The following DGKB variants were observed in gnomAD, a reference collection of about 807,000 sequenced individuals.
DGKB encodes 90 kDa diacylglycerol kinase.
DGKB carries 67 observed loss-of-function variants against 114.3 expected under a neutral mutation model. The observed-to-expected ratio is 0.59, with a 90% CI of 0.48 to 0.72. DGKB has a LOEUF of 0.72. Ranked by LOEUF, DGKB falls within the 30% of genes least tolerant of loss-of-function variation. The pLI, the probability that DGKB is intolerant of heterozygous loss-of-function variation, is 0.00. For synonymous variants in DGKB, 398 were observed against 323.1 expected (o/e 1.23, Z -2.49); for missense variants, 907 against 975.2 (o/e 0.93, Z 0.93).
intron 23 of DGKB, among the ~76,000 whole-genome samples, chr7:14,256,803 G>T (rs12536803): frequency 0.46 from 69,679 of 152,094 alleles, 18,140 homozygotes; most frequent in Non-Finnish European, 0.59. Context: ...GTGAGGAAAG[G>T]GTGAGCAAGG....
intron 23 of DGKB, among the ~76,000 whole-genome samples, chr7:14,334,143 T>C (rs1810232510): frequency 6.6e-6 from 1 of 152,208 alleles, no homozygotes; most frequent in South Asian, 2.1e-4. Context: ...GATTGCCATA[T>C]GTTGTTTGGT....
intron 1 of DGKB, among the ~76,000 whole-genome samples, chr7:14,968,104 A>C (rs1005321349): frequency 5.9e-5 from 9 of 152,126 alleles, no homozygotes; most frequent in African/African-American, 1.9e-4. Flanking sequence ...TAGGTAATAA[A>C]TATTTATATG....
chr7:14,308,327 A>G (rs565060962), intron 23 of DGKB, among the ~76,000 whole-genome samples: 9 of 152,082 alleles, frequency 5.9e-5, no homozygotes, highest in African/African-American at 2.2e-4. Context: ...AGATATTTGT[A>G]TATAATTTGT....
At chr7:14,279,328 C>A (rs926047929) in intron 23 of DGKB, among the ~76,000 whole-genome samples, 1 of 152,198 alleles carries the variant, frequency 6.6e-6, no homozygotes, top group Non-Finnish European at 1.5e-5. Flanking sequence ...ATTGCCCAGG[C>A]TTGATTAGGT....
intron 20 of DGKB, among the ~76,000 whole-genome samples, chr7:14,516,121 T>C (rs1563375565): frequency 6.6e-6 from 1 of 152,194 alleles, no homozygotes; most frequent in Non-Finnish European, 1.5e-5. Flanking sequence ...GTGCTAGGAT[T>C]ACAGGCATGA....
intron 21 of DGKB, among the ~76,000 whole-genome samples, chr7:14,424,905 A>G (rs1231360927): frequency 1.3e-5 from 2 of 152,088 alleles, no homozygotes; most frequent in Non-Finnish European, 2.9e-5. Context: ...CTTATTGCCA[A>G]TTGCCAGCCA....
chr7:14,561,470 T>C (rs1422231991), intron 20 of DGKB, among the ~76,000 whole-genome samples: 1 of 151,780 alleles, frequency 6.6e-6, no homozygotes, highest in African/African-American at 2.4e-5. Context: ...TGGAATAGAG[T>C]GACAGGCAGA....
intron 2 of DGKB, among the ~76,000 whole-genome samples, chr7:14,835,701 T>C (rs1847059478): frequency 6.6e-6 from 1 of 152,098 alleles, no homozygotes; most frequent in Non-Finnish European, 1.5e-5. Flanking sequence ...TCTCTCTCTC[T>C]CCCCTTTCAG....
intron 2 of DGKB, among the ~76,000 whole-genome samples, chr7:14,760,189 C>G (rs1010865961): frequency 6.6e-6 from 1 of 151,894 alleles, no homozygotes; most frequent in African/African-American, 2.4e-5. Flanking sequence ...TATGTATTTC[C>G]TTTTTGGTGT....
Position 14,819,988 on chromosome 7 carries a change from T to C in DGKB, c.70+21206A>G, listed in dbSNP as rs568367575. Among the ~76,000 whole-genome samples, 4 of 152,278 alleles carry C rather than the reference T, an allele frequency of 2.6e-5. No homozygotes were observed. The East Asian group carries it at 7.7e-4, about 29-fold the overall frequency. On this transcript the variant is annotated intron_variant, in intron 2 of 25. Transcript: ENST00000402815. ...CGCCCCAGCAAACACACAATCCATATTGTGTTTTGGGTTCTTTTAGGGAGA... is the reference window on the plus strand; with the variant it reads ...CGCCCCAGCAAACACACAATCCATACTGTGTTTTGGGTTCTTTTAGGGAGA...
chr7:14,168,903 A>G (rs186195066), intron 25 of DGKB, among the ~76,000 whole-genome samples: 1 of 152,348 alleles, frequency 6.6e-6, no homozygotes, highest in South Asian at 2.1e-4. Flanking sequence ...TATTTTTAGT[A>G]TGTATGTATT....
At chr7:14,411,054 T>G (rs1226898974) in intron 21 of DGKB, among the ~76,000 whole-genome samples, 1 of 152,160 alleles carries the variant, frequency 6.6e-6, no homozygotes, top group African/African-American at 2.4e-5. Flanking sequence ...TGCTGCGCAG[T>G]GGCAGGTTTC....
intron 20 of DGKB, among the ~76,000 whole-genome samples, chr7:14,528,172 T>G (rs1790949901): frequency 6.6e-6 from 1 of 152,110 alleles, no homozygotes; most frequent in Non-Finnish European, 1.5e-5. Flanking sequence ...GTCAAAAATC[T>G]TAAAAGCCAG....
At chr7:14,753,994 CT>C in intron 3 of DGKB, 46 bp from the exon 4 acceptor site, 1 of 1,295,310 alleles carries the variant, frequency 7.7e-7, no homozygotes, top group African/African-American at 1.5e-5. Context: ...ATGTAAGATA[CT>C]TTATACTCAT....
intron 6 of DGKB, among the ~76,000 whole-genome samples, chr7:14,711,902 GAA>G (rs1827413758): frequency 6.6e-6 from 1 of 152,148 alleles, no homozygotes; most frequent in Non-Finnish European, 1.5e-5. Flanking sequence ...AATATTGAGA[GAA>G]TAAGTCCTTT....
At chr7:14,852,471 C>G (rs1488302745) in intron 1 of DGKB, among the ~76,000 whole-genome samples, 1 of 5,740 alleles carries the variant, frequency 1.7e-4, no homozygotes, top group Admixed American at 1.7e-3. Flanking sequence ...AGAGGAATAG[C>G]TAAAATAGTG....
intron 21 of DGKB, among the ~76,000 whole-genome samples, chr7:14,402,395 G>T (rs898172087): frequency 2.6e-5 from 4 of 151,632 alleles, no homozygotes. Flanking sequence ...TACTAACATT[G>T]CTTTTGCTTT....
chr7:14,680,287 C>T (rs79715047), intron 12 of DGKB, among the ~76,000 whole-genome samples: 4,064 of 151,884 alleles, frequency 0.027, 173 homozygotes, highest in African/African-American at 0.092. Context: ...TGTGCTTTGC[C>T]ATAATGACAA....
chr7:14,880,851 T>C (rs1854115440), intron 1 of DGKB, among the ~76,000 whole-genome samples: 1 of 152,166 alleles, frequency 6.6e-6, no homozygotes, highest in African/African-American at 2.4e-5. Flanking sequence ...GGGAATAATG[T>C]TTTGCTACTA....
Sources: allele counts gnomAD v4.1 joint callset (sites outside exome capture counted in the v4.1 genomes callset), GRCh38; gene constraint gnomAD v4.1.1; transcripts MANE v1.5; gene names NCBI Gene and HGNC (gene_info 2026-07-23, HGNC 2026-07-21).